DGKB: variants seen among roughly 807,000 people sequenced by gnomAD.
DGKB encodes the protein 90 kDa diacylglycerol kinase.
A neutral mutation model predicts 114.3 loss-of-function variants in DGKB; 67 were observed. That is an observed-to-expected ratio of 0.59 (90% confidence interval 0.48 to 0.72). The LOEUF is 0.72. Among genes scored for constraint, DGKB ranks in the 30% least tolerant of loss-of-function variants. The probability of loss-of-function intolerance (pLI) is 0.00; values close to 1 mark genes in which losing one functional copy is unlikely to be tolerated. For missense variants in DGKB, 907 were observed against 975.2 expected (o/e 0.93, Z 0.93); for synonymous variants, 398 against 323.1 (o/e 1.23, Z -2.49).
At chr7:14,631,300 C>G (rs1809662614) in intron 13 of DGKB, among the ~76,000 whole-genome samples, 1 of 147,536 alleles carries the variant, frequency 6.8e-6, no homozygotes, top group South Asian at 2.2e-4. Flanking sequence ...ATAGCTGAAT[C>G]TGAGATAGGT....
At chr7:14,613,803 A>G (rs990220105) in intron 15 of DGKB, among the ~76,000 whole-genome samples, 5 of 152,122 alleles carry the variant, frequency 3.3e-5, no homozygotes, top group Non-Finnish European at 7.4e-5. Context: ...AGATCAACTT[A>G]TAGAGAGGCC....
intron 23 of DGKB, among the ~76,000 whole-genome samples, chr7:14,257,449 T>A (rs2128403547): frequency 6.6e-6 from 1 of 152,248 alleles, no homozygotes; most frequent in South Asian, 2.1e-4. Flanking sequence ...GGTTTGGCTG[T>A]GTCCCCACTC....
At chr7:14,327,028 G>GT (rs1808862411) in intron 23 of DGKB, among the ~76,000 whole-genome samples, 1 of 152,018 alleles carries the variant, frequency 6.6e-6, no homozygotes, top group Non-Finnish European at 1.5e-5. Context: ...TGTCAGTTGT[G>GT]TTTTTTAGTT....
intron 1 of DGKB, among the ~76,000 whole-genome samples, chr7:14,953,385 A>G (rs1786316715): frequency 6.6e-6 from 1 of 152,074 alleles, no homozygotes; most frequent in African/African-American, 2.4e-5. Context: ...TTTAAATGGG[A>G]GAAAGCTCTT....
At chr7:14,734,181 C>T (rs998088682) in intron 5 of DGKB, among the ~76,000 whole-genome samples, 1 of 145,198 alleles carries the variant, frequency 6.9e-6, no homozygotes, top group Non-Finnish European at 1.5e-5. Context: ...ATTACAGGCG[C>T]CTGCCACCAT....
chr7:14,745,699 T>G (rs1833185574), intron 4 of DGKB, among the ~76,000 whole-genome samples: 1 of 152,226 alleles, frequency 6.6e-6, no homozygotes, highest in Admixed American at 6.5e-5. Flanking sequence ...TGTGGTGGCC[T>G]GGTATTCAAT....
chr7:14,552,798 C>G (rs1795290632), intron 20 of DGKB, among the ~76,000 whole-genome samples: 1 of 152,172 alleles, frequency 6.6e-6, no homozygotes, highest in African/African-American at 2.4e-5. Context: ...CTATAGTTCT[C>G]AGATGTGTGG....
intron 17 of DGKB, among the ~76,000 whole-genome samples, chr7:14,585,866 G>T (rs1290369207): frequency 6.6e-6 from 1 of 152,104 alleles, no homozygotes; most frequent in East Asian, 1.9e-4. Flanking sequence ...GAGGTGCCAT[G>T]AACCACGCCC....
intron 19 of DGKB, among the ~76,000 whole-genome samples, chr7:14,575,984 T>C (rs191199522): frequency 6.6e-6 from 1 of 152,300 alleles, no homozygotes; most frequent in Admixed American, 6.5e-5. Context: ...AAACTAGAAA[T>C]ACCTCTTCTG....
intron 2 of DGKB, among the ~76,000 whole-genome samples, chr7:14,807,939 C>G (rs1842967266): frequency 6.6e-6 from 1 of 151,914 alleles, no homozygotes; most frequent in Non-Finnish European, 1.5e-5. Flanking sequence ...GAATAGATAT[C>G]ATGATGTCTC....
At chr7:14,855,773 G>A (rs1329159438) in intron 1 of DGKB, among the ~76,000 whole-genome samples, 1 of 151,922 alleles carries the variant, frequency 6.6e-6, no homozygotes, top group African/African-American at 2.4e-5. Context: ...ATTTGATGTG[G>A]ATTAGATAGG....
At chr7:14,894,211 A>G (rs1781745287) in intron 1 of DGKB, among the ~76,000 whole-genome samples, 1 of 151,446 alleles carries the variant, frequency 6.6e-6, no homozygotes, top group Non-Finnish European at 1.5e-5. Context: ...GTTCAACTTT[A>G]TTTAATATTT....
chr7:14,201,417 G>A (rs1365161481), intron 23 of DGKB, among the ~76,000 whole-genome samples: 1 of 151,978 alleles, frequency 6.6e-6, no homozygotes, highest in East Asian at 1.9e-4. Context: ...TGATCAATTA[G>A]AGAAGCATTG....
At chr7:14,711,242 T>C (rs1051308307) in intron 6 of DGKB, among the ~76,000 whole-genome samples, 1 of 152,024 alleles carries the variant, frequency 6.6e-6, no homozygotes, top group African/African-American at 2.4e-5. Flanking sequence ...GGAAGAAAGT[T>C]TGGAGAGTTT....
chr7:14,702,220 T>C (rs1190708184), intron 6 of DGKB, among the ~76,000 whole-genome samples: 1 of 152,010 alleles, frequency 6.6e-6, no homozygotes, highest in Non-Finnish European at 1.5e-5. Flanking sequence ...ATATTAACTG[T>C]GAAAGTTAAG....
At chr7:14,364,176 A>G (rs183977673) in intron 21 of DGKB, among the ~76,000 whole-genome samples, 31 of 152,194 alleles carry the variant, frequency 2.0e-4, no homozygotes, top group Admixed American at 9.2e-4. Flanking sequence ...TTTCCAATAA[A>G]AAAAACAACT....
At chr7:14,518,565 T>C (rs1490614075) in intron 20 of DGKB, among the ~76,000 whole-genome samples, 2 of 152,120 alleles carry the variant, frequency 1.3e-5, no homozygotes, top group East Asian at 3.8e-4. Context: ...ATAATACTTC[T>C]ATTTAAAAAT....
chr7:14,758,549 T>C (rs1057494989), intron 2 of DGKB, among the ~76,000 whole-genome samples: 1 of 152,050 alleles, frequency 6.6e-6, no homozygotes, highest in Non-Finnish European at 1.5e-5. Flanking sequence ...GTTTGAATAA[T>C]AATGAAAAAA....
intron 19 of DGKB, among the ~76,000 whole-genome samples, chr7:14,578,021 T>A (rs1430217418): frequency 6.6e-6 from 1 of 152,152 alleles, no homozygotes. Flanking sequence ...TCCCCACGTG[T>A]CAAGGGAGGG....
Sources: allele counts gnomAD v4.1 joint callset (sites outside exome capture counted in the v4.1 genomes callset), GRCh38; gene constraint gnomAD v4.1.1; transcripts MANE v1.5; gene names NCBI Gene and HGNC (gene_info 2026-07-23, HGNC 2026-07-21).